Variants in PTPRG observed in about 807,000 individuals in gnomAD.
PTPRG encodes the protein protein tyrosine phosphatase receptor type G, also known as receptor-type tyrosine-protein phosphatase gamma.
A neutral mutation model predicts 165.3 loss-of-function variants in PTPRG; 102 were observed. That is an observed-to-expected ratio of 0.62 (90% confidence interval 0.53 to 0.73). The LOEUF (loss-of-function observed/expected upper bound fraction) is 0.73, where lower values mean the gene tolerates loss of function less well. PTPRG is among the 30% of genes least tolerant of loss of function. PTPRG has a pLI of 0.00. For missense variants in PTPRG, 1,866 were observed against 1,861.4 expected, an observed-to-expected ratio of 1.00 and a Z score of -0.05; for synonymous variants, 675 against 669.5, an observed-to-expected ratio of 1.01 and a Z score of -0.13.
At chr3:61,787,756 G>A (rs946091191) in intron 2 of PTPRG, among the ~76,000 whole-genome samples, 1 of 152,146 alleles carries the variant, frequency 6.6e-6, no homozygotes, top group Admixed American at 6.5e-5. Flanking sequence ...TTAAAAGGCC[G>A]ATTTATTGAC....
intron 2 of PTPRG, among the ~76,000 whole-genome samples, chr3:61,989,250 C>T (rs1030199044): frequency 1.3e-5 from 2 of 152,104 alleles, no homozygotes; most frequent in African/African-American, 2.4e-5. Flanking sequence ...ATATTGCCCA[C>T]AATAGCAAAA....
intron 2 of PTPRG, among the ~76,000 whole-genome samples, chr3:61,980,496 A>G (rs959262954): frequency 6.6e-6 from 1 of 152,192 alleles, no homozygotes; most frequent in Non-Finnish European, 1.5e-5. Flanking sequence ...AGAAAGAGGG[A>G]GAAGGAGGAG....
chr3:61,619,121 C>A (rs1701383308), intron 1 of PTPRG, among the ~76,000 whole-genome samples: 1 of 151,956 alleles, frequency 6.6e-6, no homozygotes, highest in South Asian at 2.1e-4. Flanking sequence ...CATGCCACTG[C>A]ATTCCAGCCT....
At chr3:61,748,055 A>AT (rs1008336048) in intron 1 of PTPRG, among the ~76,000 whole-genome samples, 2 of 152,130 alleles carry the variant, frequency 1.3e-5, no homozygotes, top group Non-Finnish European at 2.9e-5. Context: ...TGAGAGTAGT[A>AT]TTTTTGCTGT....
chr3:62,291,407 C>T (rs1209699653), intron 28 of PTPRG, among the ~76,000 whole-genome samples: 1 of 151,984 alleles, frequency 6.6e-6, no homozygotes, highest in Non-Finnish European at 1.5e-5. Context: ...AGAAGGTAAA[C>T]CTGGTATGCA....
At chr3:62,220,057 G>A (rs1472187356) in intron 13 of PTPRG, among the ~76,000 whole-genome samples, 1 of 152,188 alleles carries the variant, frequency 6.6e-6, no homozygotes, top group Non-Finnish European at 1.5e-5. Flanking sequence ...CTCCACCTGG[G>A]GCAAGTTCCA....
intron 2 of PTPRG, among the ~76,000 whole-genome samples, chr3:61,914,181 C>G (rs2038874356): frequency 6.6e-6 from 1 of 152,194 alleles, no homozygotes; most frequent in Admixed American, 6.5e-5. Flanking sequence ...CCACTGATCT[C>G]TGGCTTTTTG....
At chr3:62,029,833 T>A (rs1699704092) in intron 4 of PTPRG, among the ~76,000 whole-genome samples, 1 of 152,272 alleles carries the variant, frequency 6.6e-6, no homozygotes, top group Admixed American at 6.5e-5. Flanking sequence ...ATGTGAATTA[T>A]GAATAATATG....
intron 3 of PTPRG, among the ~76,000 whole-genome samples, chr3:62,002,722 C>T (rs76305169): frequency 0.089 from 13,598 of 152,080 alleles, 998 homozygotes; most frequent in African/African-American, 0.19. Flanking sequence ...GTCAAGAAAA[C>T]GAGTTAGCTG....
intron 4 of PTPRG, among the ~76,000 whole-genome samples, chr3:62,018,515 C>T (rs1291568035): frequency 6.6e-6 from 1 of 152,196 alleles, no homozygotes; most frequent in Non-Finnish European, 1.5e-5. Flanking sequence ...GGCCAATCCT[C>T]TAAATGATTC....
intron 4 of PTPRG, among the ~76,000 whole-genome samples, chr3:62,039,507 T>C (rs981446778): frequency 1.3e-5 from 2 of 152,054 alleles, no homozygotes; most frequent in South Asian, 2.1e-4. Context: ...TTGTGATGGG[T>C]GTTTATTCTA....
chr3:62,143,957 G>A (rs758287641), intron 6 of PTPRG, among the ~76,000 whole-genome samples: 6 of 152,324 alleles, frequency 3.9e-5, no homozygotes, highest in East Asian at 1.9e-4. Context: ...AAAAGAAGGC[G>A]TGCCTGGTAT....
intron 1 of PTPRG, among the ~76,000 whole-genome samples, chr3:61,586,423 A>G (rs1409337595): frequency 6.6e-6 from 1 of 152,212 alleles, no homozygotes; most frequent in Non-Finnish European, 1.5e-5. Flanking sequence ...ACCAGTGAGC[A>G]CCTTCCCAGT....
At chr3:62,034,354 T>G (rs1490017311) in intron 4 of PTPRG, among the ~76,000 whole-genome samples, 1 of 152,242 alleles carries the variant, frequency 6.6e-6, no homozygotes, top group Non-Finnish European at 1.5e-5. Flanking sequence ...TTGGTATTAT[T>G]TTCATACACA....
At chr3:61,710,974 A>G (rs925232406) in intron 1 of PTPRG, among the ~76,000 whole-genome samples, 1 of 149,684 alleles carries the variant, frequency 6.7e-6, no homozygotes, top group African/African-American at 2.5e-5. Flanking sequence ...CCCTGTGTCC[A>G]TGTCTTCTCA....
intron 6 of PTPRG, among the ~76,000 whole-genome samples, chr3:62,145,951 C>T (rs1387894409): frequency 6.6e-6 from 1 of 152,200 alleles, no homozygotes; most frequent in African/African-American, 2.4e-5. Flanking sequence ...CTGTCAAAAG[C>T]ACTTAACTCT....
intron 2 of PTPRG, among the ~76,000 whole-genome samples, chr3:61,914,807 A>C (rs901574564): frequency 2.5e-4 from 38 of 152,138 alleles, no homozygotes; most frequent in African/African-American, 8.2e-4. Flanking sequence ...ATTGTCATGA[A>C]CTCTCCTTTG....
intron 1 of PTPRG, among the ~76,000 whole-genome samples, chr3:61,639,824 A>G (rs1214289982): frequency 6.9e-6 from 1 of 145,184 alleles, no homozygotes; most frequent in African/African-American, 2.5e-5. Flanking sequence ...AGGGTTTTCT[A>G]GTTATACAGT....
intron 28 of PTPRG, among the ~76,000 whole-genome samples, chr3:62,283,404 A>C (rs1176779127): frequency 6.6e-6 from 1 of 152,068 alleles, no homozygotes; most frequent in Non-Finnish European, 1.5e-5. Flanking sequence ...AATAACTTGC[A>C]CCTGGTCTCA....
Sources: gnomAD v4.1 joint callset for allele counts (sites outside exome capture counted in the v4.1 genomes callset) on GRCh38, gnomAD v4.1.1 for gene constraint, MANE v1.5 for transcripts, NCBI Gene and HGNC (gene_info 2026-07-23, HGNC 2026-07-21) for gene names.